The following GPC6 variants were observed in gnomAD, a reference collection of about 807,000 sequenced individuals.
GPC6 encodes glypican 6.
Under a neutral mutation model 55.2 loss-of-function variants are expected in GPC6, and 14 were observed. The ratio of observed to expected loss-of-function variants is 0.25; its 90% CI spans 0.17 to 0.40. The LOEUF is 0.40. GPC6 is among the 10% of genes least tolerant of loss of function. GPC6 has a pLI of 1.00. For missense variants in GPC6, 641 were observed against 708.5 expected (o/e 0.90, Z 1.08); for synonymous variants, 278 against 259.6 (o/e 1.07, Z -0.68).
intron 1 of GPC6, among the ~76,000 whole-genome samples, chr13:93,404,880 C>T (rs1876230058): frequency 6.6e-6 from 1 of 152,052 alleles, no homozygotes; most frequent in Non-Finnish European, 1.5e-5. Flanking sequence ...AATACTATCA[C>T]ATAGAAGATT....
chr13:94,356,639 G>A (rs113631336), intron 6 of GPC6, among the ~76,000 whole-genome samples: 92 of 152,318 alleles, frequency 6.0e-4, no homozygotes, highest in African/African-American at 2.1e-3. Context: ...CATCACTCCT[G>A]GTGAAGGAAG....
chr13:93,866,150 A>G (rs1193972832), intron 3 of GPC6, among the ~76,000 whole-genome samples: 2 of 151,744 alleles, frequency 1.3e-5, no homozygotes, highest in Non-Finnish European at 3.0e-5. Flanking sequence ...ATTCTTCTGA[A>G]AAGCAAGTGC....
At chr13:93,828,349 T>A (rs1423357302) in intron 2 of GPC6, among the ~76,000 whole-genome samples, 1 of 152,142 alleles carries the variant, frequency 6.6e-6, no homozygotes, top group Non-Finnish European at 1.5e-5. Context: ...GTTTAACTTA[T>A]GATATTCTCA....
intron 1 of GPC6, among the ~76,000 whole-genome samples, chr13:93,517,728 C>T (rs1881254262): frequency 6.6e-6 from 1 of 151,942 alleles, no homozygotes; most frequent in Middle Eastern, 3.2e-3. Context: ...GTTAACCTAT[C>T]TTGGCATGTA....
At chr13:94,126,227 T>A (rs1325564938) in intron 4 of GPC6, among the ~76,000 whole-genome samples, 16 of 151,598 alleles carry the variant, frequency 1.1e-4, no homozygotes, top group African/African-American at 4.8e-5. Flanking sequence ...AAAAAAAAAA[T>A]TGAAAATTAG....
At chr13:93,934,099 A>T (rs1422340130) in intron 3 of GPC6, among the ~76,000 whole-genome samples, 2 of 152,192 alleles carry the variant, frequency 1.3e-5, no homozygotes, top group African/African-American at 4.8e-5. Context: ...TAGTTTCGCC[A>T]TGGTGAGATG....
chr13:93,336,395 T>G (rs1437045705), intron 1 of GPC6, among the ~76,000 whole-genome samples: 1 of 152,230 alleles, frequency 6.6e-6, no homozygotes, highest in Non-Finnish European at 1.5e-5. Flanking sequence ...CCCCCAGATT[T>G]GGATGTCTTC....
intron 2 of GPC6, among the ~76,000 whole-genome samples, chr13:93,672,317 G>A (rs975259248): frequency 1.3e-5 from 2 of 151,758 alleles, no homozygotes; most frequent in African/African-American, 2.4e-5. Flanking sequence ...TAACTATTGA[G>A]TTTGTAGTGT....
intron 1 of GPC6, among the ~76,000 whole-genome samples, chr13:93,447,218 T>C (rs531941420): frequency 6.6e-6 from 1 of 152,336 alleles, no homozygotes; most frequent in South Asian, 2.1e-4. Context: ...CAGTATAAAG[T>C]TGAGAATTTG....
At chr13:93,927,489 G>A (rs575153504) in intron 3 of GPC6, among the ~76,000 whole-genome samples, 5 of 152,122 alleles carry the variant, frequency 3.3e-5, no homozygotes, top group African/African-American at 9.6e-5. Flanking sequence ...AACAGGACAC[G>A]TTCCTATAGT....
chr13:94,064,152 C>T (rs540403230), intron 4 of GPC6, among the ~76,000 whole-genome samples: 9 of 152,190 alleles, frequency 5.9e-5, no homozygotes, highest in African/African-American at 1.7e-4. Flanking sequence ...CTCTGGGACA[C>T]GTTTATGACA....
At chr13:94,145,249 C>T (rs569116588) in intron 4 of GPC6, among the ~76,000 whole-genome samples, 8 of 151,996 alleles carry the variant, frequency 5.3e-5, no homozygotes, top group Non-Finnish European at 1.2e-4. Flanking sequence ...CTATATAAAG[C>T]ACCTTCTACA....
intron 1 of GPC6, among the ~76,000 whole-genome samples, chr13:93,502,730 A>T (rs551976780): frequency 6.6e-6 from 1 of 152,224 alleles, no homozygotes; most frequent in Admixed American, 6.5e-5. Context: ...AGTCTAGACA[A>T]TCAGCAAAAC....
intron 3 of GPC6, among the ~76,000 whole-genome samples, chr13:93,977,072 A>G (rs999455044): frequency 6.6e-6 from 1 of 152,106 alleles, no homozygotes; most frequent in African/African-American, 2.4e-5. Flanking sequence ...TCCACTTCTG[A>G]AAACTGACAC....
chr13:94,303,240 T>C (rs1594148599), intron 5 of GPC6, among the ~76,000 whole-genome samples: 1 of 152,144 alleles, frequency 6.6e-6, no homozygotes, highest in Non-Finnish European at 1.5e-5. Flanking sequence ...AATGCCTGGG[T>C]TTATATCCCG....
intron 1 of GPC6, among the ~76,000 whole-genome samples, chr13:93,267,873 T>C (rs1430685528): frequency 6.6e-6 from 1 of 152,174 alleles, no homozygotes; most frequent in East Asian, 1.9e-4. Context: ...TATGCTTAGA[T>C]GGGCAGACAT....
intron 1 of GPC6, among the ~76,000 whole-genome samples, chr13:93,492,863 G>A (rs558715484): frequency 1.3e-5 from 2 of 148,192 alleles, no homozygotes; most frequent in South Asian, 2.2e-4. Context: ...TGCATCCCAG[G>A]GATGAAGCCC....
chr13:94,295,192 C>A (rs775049100), intron 5 of GPC6, among the ~76,000 whole-genome samples: 3 of 152,078 alleles, frequency 2.0e-5, no homozygotes, highest in South Asian at 2.1e-4. Context: ...AATTTTTTAT[C>A]TGTCTAAATT....
At chr13:94,227,289 A>G (rs145517416) in intron 4 of GPC6, among the ~76,000 whole-genome samples, 164 of 152,344 alleles carry the variant, frequency 1.1e-3, no homozygotes, top group Non-Finnish European at 1.5e-3. Context: ...AAGGCAGCAA[A>G]AAGAAGAGCG....
Sources: gnomAD v4.1 joint callset for allele counts (sites outside exome capture counted in the v4.1 genomes callset) on GRCh38, gnomAD v4.1.1 for gene constraint, MANE v1.5 for transcripts, NCBI Gene and HGNC (gene_info 2026-07-23, HGNC 2026-07-21) for gene names.